NTRK3: variants seen among roughly 807,000 people sequenced by gnomAD.
The protein encoded by NTRK3 is NT-3 growth factor receptor.
NTRK3 carries 24 observed loss-of-function variants against 91.7 expected under a neutral mutation model. The observed-to-expected ratio is 0.26, with a 90% CI of 0.19 to 0.37. NTRK3 has a LOEUF of 0.37. Among genes scored for constraint, NTRK3 ranks in the 10% least tolerant of loss-of-function variants. NTRK3 has a pLI of 1.00. For missense variants in NTRK3, 880 were observed against 1,068.9 expected (o/e 0.82, Z 2.46); for synonymous variants, 483 against 404.0 (o/e 1.20, Z -2.34).
At chr15:88,075,544 ATT>A (rs2047463400) in intron 13 of NTRK3, among the ~76,000 whole-genome samples, 1 of 151,820 alleles carries the variant, frequency 6.6e-6, no homozygotes, top group Non-Finnish European at 1.5e-5. Flanking sequence ...CACCCTAACC[ATT>A]CACATTCCCT....
At chr15:87,970,579 A>G (rs2073170578) in intron 14 of NTRK3, among the ~76,000 whole-genome samples, 1 of 152,186 alleles carries the variant, frequency 6.6e-6, no homozygotes, top group Non-Finnish European at 1.5e-5. Flanking sequence ...TTTTGTGTTT[A>G]ATTAGAATTG....
At chr15:87,953,863 C>T (rs368502431) in intron 14 of NTRK3, among the ~76,000 whole-genome samples, 2 of 152,296 alleles carry the variant, frequency 1.3e-5, no homozygotes, top group South Asian at 4.1e-4. Context: ...GAATAGACCA[C>T]TCCACTTTCT....
chr15:87,916,947 A>G (rs1394166720), intron 17 of NTRK3, among the ~76,000 whole-genome samples: 2 of 152,116 alleles, frequency 1.3e-5, no homozygotes, highest in Non-Finnish European at 2.9e-5. Flanking sequence ...TATTTTCAGT[A>G]GAGACAAGGT....
chr15:87,873,825 G>A (rs1247023905), exon 19 of NTRK3: 5 of 231,652 alleles, frequency 2.2e-5, no homozygotes, highest in East Asian at 1.8e-4. Context: ...TTCAGACTCC[G>A]AAATGTTGAG....
At chr15:88,130,569 C>T (rs909762352) in intron 10 of NTRK3, among the ~76,000 whole-genome samples, 36 of 152,102 alleles carry the variant, frequency 2.4e-4, no homozygotes, top group Middle Eastern at 6.8e-3. Context: ...CGACATCACG[C>T]GCCCCCGAAA....
At chr15:87,992,147 C>G (rs1179599501) in intron 14 of NTRK3, among the ~76,000 whole-genome samples, 1 of 152,170 alleles carries the variant, frequency 6.6e-6, no homozygotes, top group Non-Finnish European at 1.5e-5. Context: ...CACTCAGAAG[C>G]CACCAGTGAC....
chr15:88,056,193 TA>T (rs1567305488), intron 13 of NTRK3, among the ~76,000 whole-genome samples: 23 of 99,330 alleles, frequency 2.3e-4, no homozygotes, highest in African/African-American at 8.6e-4. Flanking sequence ...TATATATATA[TA>T]TATATATATT....
intron 16 of NTRK3, among the ~76,000 whole-genome samples, chr15:87,932,226 C>T (rs895964467): frequency 6.6e-6 from 1 of 152,160 alleles, no homozygotes. Flanking sequence ...GTTCTAGGCT[C>T]GGAGAAACCC....
At position 88,136,404 on chromosome 15, in the gene NTRK3, C is replaced by G. The variant is rs193290359; in HGVS notation, c.765+63G>C. 469 of 1,610,156 alleles carry G rather than the reference C, an allele frequency of 2.9e-4. 1 individual carries two copies. Among genetic ancestry groups the G allele is most frequent in the African/African-American group, 9.1e-4 (68 of 74,988 alleles). On this transcript the variant is annotated intron_variant, in intron 8 of 18. Coordinates refer to ENST00000394480, the Ensembl canonical transcript of NTRK3. ...AACAAGACCGCAAATTTTCCCTCTT[C>G]TTCAAGACTACAGTGTGATCACTCC...
chr15:88,102,767 A>G (rs2050308526), intron 13 of NTRK3, among the ~76,000 whole-genome samples: 1 of 152,228 alleles, frequency 6.6e-6, no homozygotes. Context: ...TTCAATTAGC[A>G]TCCTCTAATC....
At chr15:88,053,486 T>C (rs1249585872) in intron 13 of NTRK3, among the ~76,000 whole-genome samples, 1 of 152,194 alleles carries the variant, frequency 6.6e-6, no homozygotes, top group African/African-American at 2.4e-5. Context: ...TACTTCACTC[T>C]GAATTTGACA....
chr15:88,065,936 G>A (rs1203753286), intron 13 of NTRK3, among the ~76,000 whole-genome samples: 1 of 152,136 alleles, frequency 6.6e-6, no homozygotes, highest in East Asian at 1.9e-4. Flanking sequence ...ATTTACAGAG[G>A]AAGTTGACTT....
chr15:88,094,390 AC>A (rs911390717), intron 13 of NTRK3, among the ~76,000 whole-genome samples: 1 of 147,610 alleles, frequency 6.8e-6, no homozygotes, highest in African/African-American at 2.5e-5. Context: ...AATGGCGTGA[AC>A]CCGGGAAGCG....
rs143965828 is a variant in NTRK3 at position 87,907,325 on chromosome 15, A to G, written c.2133+21866T>C. 4.6e-5 allele frequency among the ~76,000 whole-genome samples: 7 copies of G among 152,244 alleles called. No individual in the cohort carries two copies. The East Asian group carries it at 1.4e-3, about 29-fold the overall frequency. ...ATGTTTGTTCTGAAATACCCTAGCT[A>G]TACACACTTGTTAGTACTGAAAATC... On this transcript the variant is annotated intron_variant, in intron 17 of 18. Coordinates refer to ENST00000394480, the Ensembl canonical transcript of NTRK3.
intron 14 of NTRK3, among the ~76,000 whole-genome samples, chr15:88,001,645 C>T (rs746842599): frequency 3.9e-5 from 6 of 152,130 alleles, no homozygotes; most frequent in Non-Finnish European, 7.4e-5. Flanking sequence ...AATCAGTTGA[C>T]CGCAAAAGTA....
chr15:88,054,889 A>T (rs1299506726), intron 13 of NTRK3, among the ~76,000 whole-genome samples: 1 of 152,126 alleles, frequency 6.6e-6, no homozygotes, highest in African/African-American at 2.4e-5. Flanking sequence ...TTCCATGAGA[A>T]AGGTACTCTT....
At chr15:88,101,382 G>C (rs1194322143) in intron 13 of NTRK3, among the ~76,000 whole-genome samples, 1 of 152,192 alleles carries the variant, frequency 6.6e-6, no homozygotes, top group African/African-American at 2.4e-5. Flanking sequence ...TGCTGGAAAG[G>C]ATGTGGAGAA....
chr15:87,921,856 C>T (rs1271714453), intron 17 of NTRK3, among the ~76,000 whole-genome samples: 2 of 151,388 alleles, frequency 1.3e-5, no homozygotes, highest in Non-Finnish European at 2.9e-5. Flanking sequence ...CCTAATCTTG[C>T]TATAAAGATT....
At chr15:88,135,516 G>A (rs2041790559) in intron 9 of NTRK3, 119 bp from the exon 10 acceptor site, 3 of 1,148,256 alleles carry the variant, frequency 2.6e-6, no homozygotes, top group African/African-American at 1.5e-5. Flanking sequence ...AAAGGCTGAG[G>A]GAAGCAGAAG....
Sources: allele counts gnomAD v4.1 joint callset (sites outside exome capture counted in the v4.1 genomes callset), GRCh38; gene constraint gnomAD v4.1.1; transcripts MANE v1.5; gene names NCBI Gene and HGNC (gene_info 2026-07-23, HGNC 2026-07-21).